Variants in STK39 observed in about 807,000 individuals in gnomAD.
The protein encoded by STK39 is serine/threonine kinase 39.
STK39 carries 20 observed loss-of-function variants against 77.8 expected under a neutral mutation model. The ratio of observed to expected loss-of-function variants is 0.26; its 90% CI spans 0.18 to 0.37. The LOEUF is 0.37. STK39 is among the 10% of genes least tolerant of loss of function. STK39 has a pLI of 1.00. For missense variants in STK39, 479 were observed against 656.5 expected, an observed-to-expected ratio of 0.73 and a Z score of 2.95; for synonymous variants, 246 against 234.1, an observed-to-expected ratio of 1.05 and a Z score of -0.47.
chr2:168,013,791 C>A (rs1021850345), intron 15 of STK39, among the ~76,000 whole-genome samples: 1 of 128,106 alleles, frequency 7.8e-6, no homozygotes, highest in African/African-American at 3.3e-5. Context: ...TGTAAGTGGG[C>A]TGGTGTGTGT....
intron 2 of STK39, among the ~76,000 whole-genome samples, chr2:168,180,852 C>A (rs1030845731): frequency 6.6e-6 from 1 of 152,140 alleles, no homozygotes; most frequent in Non-Finnish European, 1.5e-5. Context: ...TGAGTTTTAG[C>A]CGGCAATCCA....
At chr2:168,221,490 A>G (rs1690169029) in intron 1 of STK39, among the ~76,000 whole-genome samples, 1 of 152,214 alleles carries the variant, frequency 6.6e-6, no homozygotes, top group African/African-American at 2.4e-5. Flanking sequence ...GTCTCTCACT[A>G]CTAGTCTATC....
At chr2:168,134,748 C>T (rs1687788963) in intron 8 of STK39, among the ~76,000 whole-genome samples, 1 of 152,134 alleles carries the variant, frequency 6.6e-6, no homozygotes, top group Admixed American at 6.6e-5. Context: ...GACAAAAAAA[C>T]ACAGCCTACT....
At chr2:168,202,857 A>G (rs1310070498) in intron 1 of STK39, among the ~76,000 whole-genome samples, 2 of 152,188 alleles carry the variant, frequency 1.3e-5, no homozygotes, top group African/African-American at 4.8e-5. Flanking sequence ...AGAGTATGGT[A>G]AGTGTGCATT....
intron 7 of STK39, among the ~76,000 whole-genome samples, chr2:168,138,674 C>T (rs1446038571): frequency 6.6e-6 from 1 of 152,122 alleles, no homozygotes; most frequent in Non-Finnish European, 1.5e-5. Flanking sequence ...AAAATAAAAC[C>T]ACAACATCCC....
intron 1 of STK39, among the ~76,000 whole-genome samples, chr2:168,212,508 A>G (rs1490527924): frequency 6.6e-6 from 1 of 152,200 alleles, no homozygotes; most frequent in Admixed American, 6.5e-5. Flanking sequence ...GAGATGTGAA[A>G]AACCTCAGTT....
chr2:168,202,592 T>C (rs1236868173), intron 1 of STK39, among the ~76,000 whole-genome samples: 1 of 152,110 alleles, frequency 6.6e-6, no homozygotes, highest in Non-Finnish European at 1.5e-5. Flanking sequence ...GCTTTCCAAG[T>C]GGTCATTTAC....
chr2:168,116,908 T>A (rs987026216), intron 10 of STK39, among the ~76,000 whole-genome samples: 1 of 152,232 alleles, frequency 6.6e-6, no homozygotes, highest in African/African-American at 2.4e-5. Context: ...AAGTGGAGCG[T>A]ACTAAAACCT....
At chr2:168,061,175 G>C (rs891119529) in intron 14 of STK39, among the ~76,000 whole-genome samples, 1 of 151,516 alleles carries the variant, frequency 6.6e-6, no homozygotes, top group African/African-American at 2.4e-5. Flanking sequence ...TGTCACCCAT[G>C]TGCATGGATA....
At chr2:168,128,642 G>A (rs1306689365) in intron 10 of STK39, among the ~76,000 whole-genome samples, 2 of 152,276 alleles carry the variant, frequency 1.3e-5, no homozygotes, top group South Asian at 2.1e-4. Flanking sequence ...TAAAGCATCA[G>A]CTAATGCATT....
At chr2:168,161,730 T>C in intron 5 of STK39, 57 bp downstream of exon 5, 1 of 1,269,954 alleles carries the variant, frequency 7.9e-7, no homozygotes, top group Non-Finnish European at 1.1e-6. Flanking sequence ...TCTACATTCC[T>C]TGAAACTGTA....
intron 5 of STK39, 61 bp from the exon 6 acceptor site, chr2:168,140,819 A>AT (rs1333538614): frequency 3.7e-5 from 50 of 1,367,372 alleles, no homozygotes; most frequent in Admixed American, 1.5e-4. Context: ...ATAAATTGTG[A>AT]TTTTTTGAGC....
intron 2 of STK39, among the ~76,000 whole-genome samples, chr2:168,179,657 A>G (rs1194443901): frequency 1.3e-5 from 2 of 152,244 alleles, no homozygotes; most frequent in African/African-American, 4.8e-5. Flanking sequence ...CTAAGACCTC[A>G]GACGAATGGA....
At chr2:168,241,481 T>C (rs1287627937) in intron 1 of STK39, among the ~76,000 whole-genome samples, 1 of 152,178 alleles carries the variant, frequency 6.6e-6, no homozygotes, top group Non-Finnish European at 1.5e-5. Flanking sequence ...CCTAAACCCC[T>C]GAGCTGTCCA....
intron 12 of STK39, among the ~76,000 whole-genome samples, chr2:168,068,204 C>A (rs1574436714): frequency 6.6e-6 from 1 of 152,274 alleles, no homozygotes; most frequent in South Asian, 2.1e-4. Context: ...ACAGCCAAAC[C>A]ATATCAGAGG....
chr2:168,084,278 C>A (rs1686312943), intron 10 of STK39, among the ~76,000 whole-genome samples: 1 of 152,176 alleles, frequency 6.6e-6, no homozygotes, highest in South Asian at 2.1e-4. Context: ...AAGAAATCAG[C>A]ATGTTAATCA....
At chr2:168,244,392 G>T (rs376686334) in intron 1 of STK39, among the ~76,000 whole-genome samples, 7 of 152,332 alleles carry the variant, frequency 4.6e-5, no homozygotes, top group African/African-American at 1.7e-4. Flanking sequence ...TGCCATGCTG[G>T]AAAGTTAAAA....
At chr2:168,006,841 T>C (rs1204415017) in intron 16 of STK39, among the ~76,000 whole-genome samples, 1 of 152,246 alleles carries the variant, frequency 6.6e-6, no homozygotes, top group African/African-American at 2.4e-5. Flanking sequence ...ATTTCTGCAC[T>C]GCTCTGCTTC....
intron 12 of STK39, among the ~76,000 whole-genome samples, chr2:168,071,435 T>C (rs1450543466): frequency 6.6e-6 from 1 of 152,176 alleles, no homozygotes. Flanking sequence ...ATGACAAACA[T>C]GAAAAAGCTT....
Sources: gnomAD v4.1 joint callset for allele counts (sites outside exome capture counted in the v4.1 genomes callset) on GRCh38, gnomAD v4.1.1 for gene constraint, MANE v1.5 for transcripts, NCBI Gene and HGNC (gene_info 2026-07-23, HGNC 2026-07-21) for gene names.